The following CDH5 variants were observed in gnomAD, a reference collection of about 807,000 sequenced individuals.
The protein encoded by CDH5 is cadherin 5.
In CDH5, 28 loss-of-function variants were observed where a neutral mutation model predicts 62.0. The ratio of observed to expected loss-of-function variants is 0.45; its 90% CI spans 0.33 to 0.62. The LOEUF (loss-of-function observed/expected upper bound fraction) is 0.62, where lower values mean the gene tolerates loss of function less well. Ranked by LOEUF, CDH5 falls within the 20% of genes least tolerant of loss-of-function variation. The probability of loss-of-function intolerance (pLI) is 0.02; values close to 1 mark genes in which losing one functional copy is unlikely to be tolerated. For synonymous variants in CDH5, 464 were observed against 445.8 expected (o/e 1.04, Z -0.52); for missense variants, 940 against 1,065.1 (o/e 0.88, Z 1.63).
Position 66,379,430 on chromosome 16 carries a change from C to A in CDH5, c.93C>A (p.Ala31=). The A allele has an allele frequency of 6.2e-7, 1 of 1,614,206 alleles. No homozygotes were observed. The highest frequency in any genetic ancestry group is 8.5e-7 in the Non-Finnish European group (1 of 1,180,040). ...TGGCAGCAGCAGGTGCTAACCCTGC[C>A]CAACGGGACACCCACAGCCTGCTGC... The part of the protein sequence containing the change: ...AAVAAAGANP[A]QRDTHSLLPT... The change falls in exon 2 of 12, where the codon GCC becomes GCA. Residue 31 remains alanine, a synonymous_variant. Coordinates refer to ENST00000341529, the MANE Select transcript of CDH5 (RefSeq NM_001795.5).
In CDH5 at chr16:66,396,478, G is replaced by A. The variant is rs563251048; in HGVS notation, c.1360+277G>A. Among the ~76,000 whole-genome samples the A allele has an allele frequency of 2.0e-5, 3 of 152,282 alleles. No homozygotes were observed. In the East Asian group the frequency reaches 5.8e-4, roughly 29 times the overall value. On this transcript the variant is annotated intron_variant, in intron 8 of 11. Transcript: ENST00000341529. ...GTTTGAAAACCACTGTCATGAAACA[G>A]GCTGTGCAGATGTCTCTGTGACGAG... is the stretch of plus-strand genomic sequence containing the variant.
intron 10 of CDH5, 38 bp downstream of exon 10, chr16:66,398,599 AC>A: frequency 9.4e-7 from 1 of 1,068,302 alleles, no homozygotes; most frequent in Non-Finnish European, 1.5e-6. Flanking sequence ...GGGCGTGATG[AC>A]CCACACCTGT....
At chr16:66,395,429 A>G (rs1314123568) in intron 7 of CDH5, 2 of 149,606 alleles carry the variant, frequency 1.3e-5, no homozygotes, top group Admixed American at 6.6e-5. Context: ...GTTTTTTTCA[A>G]TGATGCCTGA....
At position 66,389,498 on chromosome 16, in the gene CDH5, G is replaced by A. The variant is rs1297693047; in HGVS notation, c.757G>A (p.Asp253Asn). Residue 253 changes from aspartate to asparagine, a missense_variant, in exon 5 of 12, where the codon GAC (aspartate) becomes AAC (asparagine). Coordinates refer to ENST00000341529, the MANE Select transcript of CDH5 (RefSeq NM_001795.5). ...TVLVTLQDIN[D>N]NFPFFTQTKY... Reference sequence around the variant, plus strand: ...GCTGGTCACTCTGCAAGACATCAATGACAACTTCCCCTTCTTCACCCAGAG... The same window carrying A: ...GCTGGTCACTCTGCAAGACATCAATAACAACTTCCCCTTCTTCACCCAGAG... 1 of 1,600,892 alleles carries A rather than the reference G, an allele frequency of 6.2e-7. No individual in the cohort carries two copies. Among genetic ancestry groups the A allele is most frequent in the South Asian group, 1.1e-5 (1 of 89,934 alleles).
intron 2 of CDH5, among the ~76,000 whole-genome samples, chr16:66,382,653 G>A (rs1356399163): frequency 6.6e-6 from 1 of 152,180 alleles, no homozygotes; most frequent in Non-Finnish European, 1.5e-5. Context: ...AAGAACGCCA[G>A]GCCTGCTGTC....
intron 7 of CDH5, 23 bp downstream of exon 7, chr16:66,392,406 G>T (rs913672017): frequency 6.2e-7 from 1 of 1,613,312 alleles, no homozygotes; most frequent in Non-Finnish European, 8.5e-7. Context: ...GTGTCGATGA[G>T]AATGATAAGG....
At chr16:66,374,247 C>T (rs948661322) in intron 1 of CDH5, among the ~76,000 whole-genome samples, 2 of 152,326 alleles carry the variant, frequency 1.3e-5, no homozygotes, top group South Asian at 2.1e-4. Flanking sequence ...AGAGCTGTCT[C>T]GGGAGGGTGC....
chr16:66,371,381 C>A (rs967416661), intron 1 of CDH5, among the ~76,000 whole-genome samples: 32 of 152,130 alleles, frequency 2.1e-4, no homozygotes, highest in African/African-American at 7.7e-4. Context: ...CTCCTCCCAG[C>A]GCCCTGCCCC....
intron 10 of CDH5, 150 bp downstream of exon 10, chr16:66,398,711 G>A (rs1470890928): frequency 7.4e-6 from 4 of 540,372 alleles, no homozygotes; most frequent in East Asian, 3.2e-5. Flanking sequence ...CAGCCCGGGC[G>A]ACAGAGCGAG....
intron 8 of CDH5, among the ~76,000 whole-genome samples, chr16:66,397,471 C>A (rs1961206094): frequency 6.6e-6 from 1 of 152,146 alleles, no homozygotes; most frequent in Non-Finnish European, 1.5e-5. Context: ...ATCCTCCCTT[C>A]TAGGCCTTTC....
chr16:66,392,990 A>G (rs544695996), intron 7 of CDH5: 1 of 152,792 alleles, frequency 6.5e-6, no homozygotes, highest in South Asian at 2.1e-4. Context: ...GGATCATGCC[A>G]TGCTGGTTTC....
rs1961182552 is a variant in CDH5, at chr16:66,396,181, C to G, written c.1340C>G (p.Ala447Gly). The change falls in exon 8 of 12, where the codon GCC (alanine) becomes GGC (glycine). Residue 447 changes from alanine (A) to glycine (G), a missense_variant. Coordinates refer to ENST00000341529, the MANE Select transcript of CDH5 (RefSeq NM_001795.5). ...CCCTGGTATAACCTGACTGTGGAGG[C>G]CAAAGAACTGGATTCCACTGGTGAG... The part of the protein sequence containing the change: ...VYPWYNLTVE[A>G]KELDSTGTPT... 6.2e-7 allele frequency: 1 copy of G among 1,614,010 alleles called. No individual in the cohort carries two copies. The highest frequency in any genetic ancestry group is 8.5e-7 in the Non-Finnish European group (1 of 1,180,002).
At chr16:66,400,743 C>T (rs1178316577) in intron 10 of CDH5, 28 bp from the exon 11 acceptor site, 1 of 1,614,036 alleles carries the variant, frequency 6.2e-7, no homozygotes, top group Non-Finnish European at 8.5e-7. Flanking sequence ...GATGGCAAAG[C>T]CTGACTCCGA....
chr16:66,403,738 C>G lies in CDH5; in HGVS notation c.*569C>G, dbSNP rs1308232064. 1 of 161,614 alleles carries G rather than the reference C, an allele frequency of 6.2e-6. No individual in the cohort carries two copies. Among genetic ancestry groups the G allele is most frequent in the African/African-American group, 2.4e-5 (1 of 41,506 alleles). The allele number at this position is 161,614 out of a possible 1,614,324, so 10.0% of individuals were successfully genotyped here. The stretch of plus-strand genomic sequence containing the variant: ...GCCCCACCACTCCCCAACCCCTCTC[C>G]AGGCCTGTCAAGAGGGAGGAAGGGG... On this transcript the variant is annotated 3_prime_UTR_variant, in exon 12 of 12. Coordinates refer to ENST00000341529, the MANE Select transcript of CDH5 (RefSeq NM_001795.5). The surrounding 1 kb of genome is among the most constrained non-coding windows in gnomAD (Gnocchi z 4.3).
At position 66,403,437 on chromosome 16, in the gene CDH5, C is replaced by T. The variant is rs1771904952; in HGVS notation, c.*268C>T. Reference sequence around the variant, plus strand: ...CTCAGACATCCACATAACCCTGTCACCCACAGACCGCCGTCTAACTCAAAG... The same window carrying T: ...CTCAGACATCCACATAACCCTGTCATCCACAGACCGCCGTCTAACTCAAAG... On this transcript the variant is annotated 3_prime_UTR_variant, in exon 12 of 12. Coordinates refer to ENST00000341529, the MANE Select transcript of CDH5 (RefSeq NM_001795.5). The surrounding 1 kb of genome is among the most constrained non-coding windows in gnomAD (Gnocchi z 4.3). 2 of 493,706 alleles carry T rather than the reference C, an allele frequency of 4.1e-6. No individual in the cohort carries two copies. The highest frequency in any genetic ancestry group is 3.9e-5 in the African/African-American group (2 of 51,842). 30.6% of individuals were successfully genotyped at this position (493,706 alleles called of 1,614,324 possible).
At chr16:66,372,952 C>T (rs1169054027) in intron 1 of CDH5, among the ~76,000 whole-genome samples, 1 of 152,194 alleles carries the variant, frequency 6.6e-6, no homozygotes, top group African/African-American at 2.4e-5. Flanking sequence ...ACAGCAGCAT[C>T]GATAAGCATC....
Position 66,402,735 on chromosome 16 carries a change from C to G in CDH5, c.1921C>G (p.Gln641Glu), listed in dbSNP as rs1262048383. The change falls in exon 12 of 12, where the codon CAG becomes GAG. Residue 641 changes from glutamine (Q) to glutamate (E), a missense_variant. Transcript: ENST00000341529. ...HGKSVPEIHEQLVTYDEEGGG... is the reference protein window; with the variant it reads ...HGKSVPEIHEELVTYDEEGGG... ...CAAGAGCGTGCCGGAGATCCACGAG[C>G]AGCTGGTCACCTACGACGAGGAGGG... 6.2e-7 allele frequency: 1 copy of G among 1,609,880 alleles called. No individual in the cohort carries two copies. Among genetic ancestry groups the G allele is most frequent in the South Asian group, 1.1e-5 (1 of 90,626 alleles).
chr16:66,404,510 AG>A lies in CDH5; in HGVS notation c.*1342del, dbSNP rs1329656328. The A allele has an allele frequency of 6.6e-6, 1 of 152,268 alleles. No homozygotes were observed. Among genetic ancestry groups the A allele is most frequent in the Non-Finnish European group, 1.5e-5 (1 of 68,050 alleles). The allele number at this position is 152,268 out of a possible 1,614,324, so 9.4% of individuals were successfully genotyped here. The stretch of plus-strand genomic sequence containing the variant: ...GACTTGTTTGTTTTAACCAATAACT[AG>A]CTTCTTATAATGATTTTTTTACTAA... On this transcript the variant is annotated 3_prime_UTR_variant, in exon 12 of 12. Transcript: ENST00000341529.
intron 9 of CDH5, 36 bp downstream of exon 9, chr16:66,398,142 C>T: frequency 6.2e-7 from 1 of 1,613,548 alleles, no homozygotes; most frequent in Non-Finnish European, 8.5e-7. Context: ...AAGGCAGCAC[C>T]ACCCTGGGGC....
Sources: allele counts gnomAD v4.1 joint callset (sites outside exome capture counted in the v4.1 genomes callset), GRCh38; gene constraint gnomAD v4.1.1; non-coding constraint Gnocchi (gnomAD v3.1); transcripts MANE v1.5; gene names NCBI Gene and HGNC (gene_info 2026-07-23, HGNC 2026-07-21).